Variants in SDK2 observed in about 807,000 individuals in gnomAD.
SDK2 encodes the protein sidekick cell adhesion molecule 2.
In SDK2, 105 loss-of-function variants were observed where a neutral mutation model predicts 253.9. The ratio of observed to expected loss-of-function variants is 0.41; its 90% CI spans 0.35 to 0.49. SDK2 has a LOEUF of 0.49. Among genes scored for constraint, SDK2 ranks in the 20% least tolerant of loss-of-function variants. SDK2 has a pLI of 0.06. For synonymous variants in SDK2, 1,249 were observed against 1,234.9 expected (o/e 1.01, Z -0.24); for missense variants, 2,608 against 3,003.0 (o/e 0.87, Z 3.07).
chr17:73,498,109 T>C (rs2063857510), intron 2 of SDK2, among the ~76,000 whole-genome samples: 1 of 152,182 alleles, frequency 6.6e-6, no homozygotes, highest in Non-Finnish European at 1.5e-5. Context: ...CTTCTACACA[T>C]GGGGGCCAGG....
intron 40 of SDK2, among the ~76,000 whole-genome samples, chr17:73,355,174 A>ATATATATATATATATATATATATATATAT: frequency 3.6e-4 from 17 of 47,216 alleles, no homozygotes; most frequent in Non-Finnish European, 5.4e-4. Flanking sequence ...ATATATATAT[A>ATATATATATATATATATATATATATATAT]TTTTTTTTTT....
At chr17:73,340,387 G>C (rs1187117484) in intron 44 of SDK2, among the ~76,000 whole-genome samples, 3 of 152,106 alleles carry the variant, frequency 2.0e-5, no homozygotes, top group African/African-American at 7.2e-5. Context: ...CATGCCCCTG[G>C]CAACCACTAA....
intron 5 of SDK2, among the ~76,000 whole-genome samples, chr17:73,444,582 C>A (rs1370068997): frequency 6.6e-6 from 1 of 152,224 alleles, no homozygotes; most frequent in Non-Finnish European, 1.5e-5. Context: ...CGTGATCCAT[C>A]CTCCCTGAAT....
In SDK2 at chr17:73,414,686, G is replaced by T. The variant is rs200296942; in HGVS notation, c.2442C>A (p.Ala814=). Residue 814 remains alanine, a synonymous_variant, in exon 18 of 45, where the codon GCC becomes GCA. Coordinates refer to ENST00000392650, the MANE Select transcript of SDK2 (RefSeq NM_001144952.2). ...NSTTIRFTWN[A]PSPQFINGIN... is the part of the protein sequence containing the mutation. ...TGCCGTTGATGAACTGGGGGCTGGG[G>T]GCGTTCCAGGTGAAGCGGATGGTCG... 5 of 1,613,862 alleles carry T rather than the reference G, an allele frequency of 3.1e-6. No individual in the cohort carries two copies. The highest frequency in any genetic ancestry group is 1.1e-5 in the South Asian group (1 of 91,090).
At chr17:73,614,584 GA>G (rs1486613044) in intron 1 of SDK2, among the ~76,000 whole-genome samples, 2 of 99,984 alleles carry the variant, frequency 2.0e-5, no homozygotes, top group Admixed American at 1.1e-4. Flanking sequence ...GGGAGGGAGG[GA>G]GGGGCATAAG....
chr17:73,581,957 C>A (rs2045540484), intron 1 of SDK2, among the ~76,000 whole-genome samples: 1 of 152,212 alleles, frequency 6.6e-6, no homozygotes, highest in Non-Finnish European at 1.5e-5. Flanking sequence ...CTGTCTGGAG[C>A]CTGGGCTCTC....
chr17:73,397,856 T>G (rs999148180), intron 24 of SDK2, among the ~76,000 whole-genome samples, 179 bp downstream of exon 24: 1 of 152,244 alleles, frequency 6.6e-6, no homozygotes, highest in Non-Finnish European at 1.5e-5. Context: ...AGCTCCTTCC[T>G]CTCATCGGCG....
In SDK2 at chr17:73,379,368, C is replaced by T; in HGVS notation, c.4865-76G>A. ...GAGGTGGGCTGGGCGGGATGGGGAG[C>T]CCAGATCCCGTTTCTTCCAGCTGAA... is the stretch of plus-strand genomic sequence containing the variant. On this transcript the variant is annotated intron_variant, in intron 35 of 44. Transcript: ENST00000392650. The surrounding 1 kb of genome is among the most constrained non-coding windows in gnomAD (Gnocchi z 4.5). The T allele has an allele frequency of 6.8e-7, 1 of 1,479,456 alleles. No individual in the cohort carries two copies. Among genetic ancestry groups the T allele is most frequent in the Non-Finnish European group, 9.3e-7 (1 of 1,076,418 alleles). The allele number at this position is 1,479,456 out of a possible 1,614,324, so 91.6% of individuals were successfully genotyped here. A position where few individuals can be genotyped will look rare whatever the true frequency, so the allele number is the denominator to read the frequency against.
At chr17:73,596,308 C>T (rs2145907259) in intron 1 of SDK2, among the ~76,000 whole-genome samples, 1 of 152,230 alleles carries the variant, frequency 6.6e-6, no homozygotes, top group East Asian at 1.9e-4. Flanking sequence ...GGTGTCAACA[C>T]ACCTGGGTCC....
rs534801871 is a variant in SDK2 at position 73,373,980 on chromosome 17, C to T, written c.4980+5197G>A. 1.4e-5 allele frequency among the ~76,000 whole-genome samples: 2 copies of T among 144,932 alleles called. 1 individual carries two copies. The highest frequency in any genetic ancestry group is 1.4e-4 in the Admixed American group (2 of 14,476). On this transcript the variant is annotated intron_variant, in intron 36 of 44. Coordinates refer to ENST00000392650, the MANE Select transcript of SDK2 (RefSeq NM_001144952.2). Reference sequence around the variant, plus strand: ...AAATGTCCATTTGGGTCCTTTGCCCCATTTTCTTTCACTTTTGTTGTATGA... The same window carrying T: ...AAATGTCCATTTGGGTCCTTTGCCCTATTTTCTTTCACTTTTGTTGTATGA...
In SDK2 at chr17:73,511,726, C is replaced by T. The variant is rs1235474975; in HGVS notation, c.65-4129G>A. Among the ~76,000 whole-genome samples the T allele has an allele frequency of 6.6e-6, 1 of 152,168 alleles. No homozygotes were observed. The highest frequency in any genetic ancestry group is 6.5e-5 in the Admixed American group (1 of 15,278). ...GATACAGGGATCCTGGGAGGGACGC[C>T]CTACCTAGGACTCTGAGCAGTGACA... is the stretch of plus-strand genomic sequence containing the variant. On this transcript the variant is annotated intron_variant, in intron 1 of 44. Transcript: ENST00000392650. This position sits in a 1 kb window ranked among gnomAD's most constrained non-coding sequence, Gnocchi z 4.9.
Position 73,456,025 on chromosome 17 carries a change from C to T in SDK2, c.360G>A (p.Lys120=). 1.3e-6 allele frequency: 2 copies of T among 1,529,170 alleles called. No individual in the cohort carries two copies. The highest frequency in any genetic ancestry group is 1.8e-6 in the Non-Finnish European group (2 of 1,134,058). The allele number at this position is 1,529,170 out of a possible 1,614,324, so 94.7% of individuals were successfully genotyped here. A position where few individuals can be genotyped will look rare whatever the true frequency, so the allele number is the denominator to read the frequency against. The change falls in exon 4 of 45, where the codon AAG becomes AAA. Residue 120 remains lysine, a synonymous_variant. Coordinates refer to ENST00000392650, the MANE Select transcript of SDK2 (RefSeq NM_001144952.2). The stretch of plus-strand genomic sequence containing the variant: ...CTTCTCCGTGGGAGACGCTCTGGTG[C>T]TTCTCACCTTCCTCAAAGCTCCCCA... ...AYMGSFEEGE[K]HQSVSHGEAA...
At chr17:73,381,414 C>CAA (rs879356942) in intron 33 of SDK2, among the ~76,000 whole-genome samples, 2 of 138,024 alleles carry the variant, frequency 1.4e-5, no homozygotes, top group Non-Finnish European at 3.2e-5. Context: ...CACATATGGG[C>CAA]AAAAAAAAAA....
intron 2 of SDK2, among the ~76,000 whole-genome samples, chr17:73,490,006 C>T (rs2063794990): frequency 6.6e-6 from 1 of 152,188 alleles, no homozygotes; most frequent in Admixed American, 6.5e-5. Flanking sequence ...TCATGAGAAC[C>T]TGCCACGTGG....
chr17:73,390,547 G>A, intron 28 of SDK2, 66 bp from the exon 29 acceptor site: 4 of 1,486,290 alleles, frequency 2.7e-6, no homozygotes, highest in Non-Finnish European at 3.6e-6. Flanking sequence ...CCCCGGGAAG[G>A]GTTGTTCCGT....
intron 1 of SDK2, among the ~76,000 whole-genome samples, chr17:73,611,792 G>A (rs2045978205): frequency 6.6e-6 from 1 of 152,222 alleles, no homozygotes; most frequent in Non-Finnish European, 1.5e-5. Context: ...TTTGGAGCAG[G>A]CAGTCCAGCC....
chr17:73,348,378 A>T (rs1568360156), intron 44 of SDK2, among the ~76,000 whole-genome samples: 2 of 152,204 alleles, frequency 1.3e-5, no homozygotes, highest in Non-Finnish European at 2.9e-5. Context: ...GGTACCCCCT[A>T]TGATCAAGGT....
chr17:73,363,433 T>C (rs1221787264), intron 38 of SDK2, among the ~76,000 whole-genome samples: 1 of 152,152 alleles, frequency 6.6e-6, no homozygotes. Flanking sequence ...AAGAATGAAA[T>C]GACCCTGGGA....
At chr17:73,641,429 G>A (rs761173987) in intron 1 of SDK2, among the ~76,000 whole-genome samples, 3 of 152,152 alleles carry the variant, frequency 2.0e-5, no homozygotes, top group East Asian at 1.9e-4. Context: ...ATGAGAGCCC[G>A]TTCTTTCTGC....
Sources: gnomAD v4.1 joint callset for allele counts (sites outside exome capture counted in the v4.1 genomes callset) on GRCh38, gnomAD v4.1.1 for gene constraint, Gnocchi (gnomAD v3.1) non-coding constraint, MANE v1.5 for transcripts, NCBI Gene and HGNC (gene_info 2026-07-23, HGNC 2026-07-21) for gene names.